Variants in STON1 observed in about 807,000 individuals in gnomAD.
The protein encoded by STON1 is stonin-1.
A neutral mutation model predicts 60.9 loss-of-function variants in STON1; 79 were observed. The ratio of observed to expected loss-of-function variants is 1.30; its 90% CI spans 1.08 to 1.56. The LOEUF is 1.56. Among genes scored for constraint, STON1 ranks in the 40% most tolerant of loss-of-function variants. STON1 has a pLI of 0.00. For missense variants in STON1, 1,166 were observed against 858.9 expected (o/e 1.36, Z -4.47); for synonymous variants, 363 against 306.9 (o/e 1.18, Z -1.91).
At chr2:48,567,057 A>G (rs1448323809) in intron 1 of STON1, among the ~76,000 whole-genome samples, 3 of 152,220 alleles carry the variant, frequency 2.0e-5, no homozygotes, top group Non-Finnish European at 4.4e-5. Context: ...GGAAAAATGA[A>G]GGTTAAATGC....
In STON1 at chr2:48,538,304, G is replaced by A. The variant is rs113212738; in HGVS notation, c.-48+8088G>A. On this transcript the variant is annotated intron_variant, in intron 1 of 3. Transcript: ENST00000404752. ...AGTTTGTAAGAGATAAAGATTATCTGTTTCTTAAAATTTGGTAAAACTCAT... is the reference window on the plus strand; with the variant it reads ...AGTTTGTAAGAGATAAAGATTATCTATTTCTTAAAATTTGGTAAAACTCAT... 6.3e-3 allele frequency among the ~76,000 whole-genome samples: 960 copies of A among 152,192 alleles called. 11 individuals are homozygous for A. Among genetic ancestry groups the A allele is most frequent in the African/African-American group, 0.022 (907 of 41,522 alleles).
chr2:48,585,046 G>T (rs777124887), intron 2 of STON1, among the ~76,000 whole-genome samples: 4 of 152,068 alleles, frequency 2.6e-5, no homozygotes, highest in Admixed American at 1.3e-4. Context: ...ACCCCACAGC[G>T]TTCTCAAGAC....
chr2:48,537,578 G>C (rs1179025781), intron 1 of STON1, among the ~76,000 whole-genome samples: 2 of 152,124 alleles, frequency 1.3e-5, no homozygotes, highest in African/African-American at 4.8e-5. Flanking sequence ...GCTGGGTGTG[G>C]TGGCTCATGC....
chr2:48,587,711 C>T (rs921390310), intron 2 of STON1, among the ~76,000 whole-genome samples: 2 of 152,218 alleles, frequency 1.3e-5, no homozygotes, highest in Non-Finnish European at 2.9e-5. Flanking sequence ...ACCGTCATAT[C>T]ACCAGGCCCA....
chr2:48,570,074 C>A (rs531601672), intron 1 of STON1, among the ~76,000 whole-genome samples: 2 of 152,290 alleles, frequency 1.3e-5, no homozygotes, highest in Admixed American at 1.3e-4. Context: ...GTGGCTCATG[C>A]CTGTAATCCC....
chr2:48,578,189 C>A (rs886328149), intron 1 of STON1, among the ~76,000 whole-genome samples: 7 of 152,050 alleles, frequency 4.6e-5, no homozygotes, highest in Non-Finnish European at 8.8e-5. Context: ...GTTGGCCATG[C>A]TGGCCTTGGA....
intron 2 of STON1, 117 bp from the exon 3 acceptor site, chr2:48,591,536 C>G (rs1463204054): frequency 2.9e-6 from 4 of 1,389,744 alleles, no homozygotes; most frequent in African/African-American, 2.9e-5. Context: ...GGAATTTGCA[C>G]TGCTGCAGTG....
At chr2:48,578,872 T>G (rs1328885559) in intron 1 of STON1, among the ~76,000 whole-genome samples, 5 of 152,000 alleles carry the variant, frequency 3.3e-5, no homozygotes, top group Admixed American at 6.6e-5. Context: ...ATTATAGGCG[T>G]GAGCCACTGT....
Position 48,581,348 on chromosome 2 carries a change from G to C in STON1, c.715G>C (p.Ala239Pro). ...TGAGAAGCTTGAACATCTCCAGTCA[G>C]CTGAGAACCAAGACTCACTTAGAAG... Reference protein sequence around the residue: ...ICEKLEHLQSAENQDSLRSLS... With the variant: ...ICEKLEHLQSPENQDSLRSLS... The change falls in exon 2 of 4, where the codon GCT (alanine) becomes CCT (proline). Residue 239 changes from alanine (A) to proline (P), a missense_variant. Physicochemically the swap from Ala to Pro is conservative, Grantham distance 27 (BLOSUM62 -1). Transcript: ENST00000404752. 6.4e-7 allele frequency: 1 copy of C among 1,554,118 alleles called. No individual in the cohort carries two copies. Among genetic ancestry groups the C allele is most frequent in the Non-Finnish European group, 8.7e-7 (1 of 1,152,310 alleles).
At chr2:48,575,721 GC>G (rs1200687666) in intron 1 of STON1, among the ~76,000 whole-genome samples, 1 of 150,284 alleles carries the variant, frequency 6.7e-6, no homozygotes, top group Non-Finnish European at 1.5e-5. Flanking sequence ...TAAGTGGATT[GC>G]TGGATCATAT....
intron 3 of STON1, among the ~76,000 whole-genome samples, chr2:48,594,461 A>G (rs1382095665): frequency 6.6e-6 from 1 of 152,242 alleles, no homozygotes; most frequent in Non-Finnish European, 1.5e-5. Context: ...GTTGCCAGAT[A>G]CTGCTCCACA....
intron 1 of STON1, among the ~76,000 whole-genome samples, chr2:48,565,773 A>C (rs1224709965): frequency 6.6e-6 from 1 of 152,218 alleles, no homozygotes; most frequent in Non-Finnish European, 1.5e-5. Context: ...TATATCGAGT[A>C]CATTTATGAG....
intron 1 of STON1, among the ~76,000 whole-genome samples, chr2:48,564,435 TTC>T (rs1672754562): frequency 2.1e-5 from 1 of 47,272 alleles, no homozygotes; most frequent in Non-Finnish European, 4.6e-5. Flanking sequence ...CTTCTTCTTC[TTC>T]TTCTTCTTCT....
At chr2:48,548,419 C>G (rs931186174) in intron 1 of STON1, among the ~76,000 whole-genome samples, 1 of 152,124 alleles carries the variant, frequency 6.6e-6, no homozygotes, top group Non-Finnish European at 1.5e-5. Flanking sequence ...TCCATTCTTG[C>G]TTTCTCAAGA....
In STON1 at chr2:48,580,623, T is replaced by A. The variant is rs751277220; in HGVS notation, c.-11T>A. 7.4e-7 allele frequency: 1 copy of A among 1,344,756 alleles called. No homozygotes were observed. The highest frequency in any genetic ancestry group is 3.0e-5 in the Admixed American group (1 of 33,290). 83.3% of individuals were successfully genotyped at this position (1,344,756 alleles called of 1,614,324 possible). On this transcript the variant is annotated 5_prime_UTR_variant, in exon 2 of 4. Transcript: ENST00000404752. ...TTGATTTCTTGACAAGACCACAATC[T>A]GATCCCAAAGATGTGCTCCACAAAT...
intron 2 of STON1, among the ~76,000 whole-genome samples, chr2:48,590,760 T>C (rs1197474417): frequency 1.3e-5 from 2 of 151,968 alleles, no homozygotes; most frequent in East Asian, 1.9e-4. Flanking sequence ...AAGTGACAAA[T>C]TGAGTGAAAA....
rs75964248 is a variant in STON1, at chr2:48,575,688, G to A, written c.-47-4899G>A. Among the ~76,000 whole-genome samples the A allele has an allele frequency of 6.2e-3, 859 of 137,874 alleles. 3 individuals carry two copies. The highest frequency in any genetic ancestry group is 0.019 in the East Asian group (92 of 4,960). 90.5% of individuals were successfully genotyped at this position (137,874 alleles called of 152,430 possible). ...TAAATAAATAAATAAATAAATAAAT[G>A]AATTCTTTTGGATAAATACCCGTAA... On this transcript the variant is annotated intron_variant, in intron 1 of 3. Coordinates refer to ENST00000404752, the MANE Select transcript of STON1 (RefSeq NM_006873.4).
chr2:48,581,916 C>T lies in STON1; in HGVS notation c.1283C>T (p.Thr428Ile). The T allele has an allele frequency of 6.2e-7, 1 of 1,613,988 alleles. No individual in the cohort carries two copies. The highest frequency in any genetic ancestry group is 1.6e-4 in the Middle Eastern group (1 of 6,062). ...EIVDNFWGKV[T>I]KEGKFVESAV... ...GTGGACAACTTTTGGGGTAAAGTCA[C>T]AAAAGAAGGAAAATTTGTTGAAAGT... The change falls in exon 2 of 4, where the codon ACA becomes ATA. Residue 428 changes from threonine to isoleucine, a missense_variant. Coordinates refer to ENST00000404752, the MANE Select transcript of STON1 (RefSeq NM_006873.4).
intron 1 of STON1, among the ~76,000 whole-genome samples, chr2:48,539,624 C>T (rs1319827239): frequency 6.6e-6 from 1 of 152,074 alleles, no homozygotes; most frequent in African/African-American, 2.4e-5. Flanking sequence ...GCCTCAGCCT[C>T]CTCAGTAGCT....
Sources: gnomAD v4.1 joint callset for allele counts (sites outside exome capture counted in the v4.1 genomes callset) on GRCh38, gnomAD v4.1.1 for gene constraint, MANE v1.5 for transcripts, NCBI Gene and HGNC (gene_info 2026-07-23, HGNC 2026-07-21) for gene names.